MBD2: variants seen among roughly 807,000 people sequenced by gnomAD.
The protein encoded by MBD2 is methyl-CpG binding domain protein 2, also known as methyl-CpG-binding domain protein 2.
A neutral mutation model predicts 39.3 loss-of-function variants in MBD2; 9 were observed. The observed-to-expected ratio is 0.23, with a 90% confidence interval of 0.14 to 0.40. The LOEUF is 0.40. MBD2 is among the 10% of genes least tolerant of loss of function. MBD2 has a pLI of 1.00. For synonymous variants in MBD2, 233 were observed against 211.1 expected, an observed-to-expected ratio of 1.10 and a Z score of -0.90; for missense variants, 458 against 532.6, an observed-to-expected ratio of 0.86 and a Z score of 1.38.
chr18:54,221,672 G>A (rs1235078538), intron 1 of MBD2, among the ~76,000 whole-genome samples: 2 of 151,758 alleles, frequency 1.3e-5, no homozygotes, highest in Non-Finnish European at 2.9e-5. Context: ...CTACTTGGGA[G>A]GCTGAAGAAT....
intron 6 of MBD2, among the ~76,000 whole-genome samples, chr18:54,156,831 T>C (rs1368365843): frequency 6.6e-6 from 1 of 151,798 alleles, no homozygotes; most frequent in African/African-American, 2.4e-5. Context: ...CCAGCCTGGA[T>C]GACAAGAGCG....
At chr18:54,174,268 AGC>A (rs2086196249) in intron 3 of MBD2, among the ~76,000 whole-genome samples, 2 of 152,228 alleles carry the variant, frequency 1.3e-5, no homozygotes, top group Non-Finnish European at 2.9e-5. Context: ...AAATGGAGGA[AGC>A]AAAATCATGT....
At chr18:54,157,848 C>A (rs2086064607) in intron 6 of MBD2, among the ~76,000 whole-genome samples, 1 of 152,204 alleles carries the variant, frequency 6.6e-6, no homozygotes, top group Non-Finnish European at 1.5e-5. Flanking sequence ...ACCCGCACTT[C>A]CAGGCAGTCA....
intron 3 of MBD2, among the ~76,000 whole-genome samples, chr18:54,172,563 A>G (rs557006301): frequency 1.3e-5 from 2 of 152,308 alleles, no homozygotes; most frequent in East Asian, 3.9e-4. Context: ...AAGCATCTAC[A>G]TCATATATCC....
At chr18:54,160,101 C>T (rs938737468) in intron 5 of MBD2, 198 bp from the exon 6 acceptor site, 5 of 552,504 alleles carry the variant, frequency 9.0e-6, no homozygotes, top group Non-Finnish European at 1.6e-5. Flanking sequence ...GGAATGTTCA[C>T]AGAGGCAGTT....
intron 1 of MBD2, among the ~76,000 whole-genome samples, chr18:54,223,658 TCTGGGACAGG>T (rs1249783026): frequency 3.3e-5 from 5 of 152,204 alleles, no homozygotes; most frequent in Admixed American, 1.3e-4. Flanking sequence ...TGATGATGAA[TCTGGGACAGG>T]CTGGGACAGG....
At chr18:54,199,206 G>C (rs1335459514) in intron 2 of MBD2, among the ~76,000 whole-genome samples, 2 of 152,096 alleles carry the variant, frequency 1.3e-5, no homozygotes, top group Admixed American at 1.3e-4. Context: ...AAACTTTCTG[G>C]AATTCTAAAT....
chr18:54,195,769 T>C (rs1004348579), intron 2 of MBD2, among the ~76,000 whole-genome samples: 1 of 152,154 alleles, frequency 6.6e-6, no homozygotes, highest in African/African-American at 2.4e-5. Context: ...ATAGTCATGT[T>C]GGTACAAATT....
intron 3 of MBD2, among the ~76,000 whole-genome samples, chr18:54,172,568 A>G (rs1358122024): frequency 6.6e-6 from 1 of 152,176 alleles, no homozygotes; most frequent in Non-Finnish European, 1.5e-5. Context: ...TCTACATCAT[A>G]TATCCTAGCA....
At chr18:54,177,981 A>G (rs1363845034) in intron 3 of MBD2, among the ~76,000 whole-genome samples, 1 of 151,898 alleles carries the variant, frequency 6.6e-6, no homozygotes, top group African/African-American at 2.4e-5. Flanking sequence ...CTGGAACTAC[A>G]GGCCCACACC....
At chr18:54,156,005 A>C (rs2086049267) in intron 6 of MBD2, among the ~76,000 whole-genome samples, 1 of 152,170 alleles carries the variant, frequency 6.6e-6, no homozygotes, top group Non-Finnish European at 1.5e-5. Flanking sequence ...CCACCTTACT[A>C]ATAAGCAGGA....
chr18:54,154,030 T>C lies in MBD2; in HGVS notation c.*1294A>G, dbSNP rs568415152. 3.9e-5 allele frequency: 6 copies of C among 152,286 alleles called. No individual in the cohort carries two copies. The highest frequency in any genetic ancestry group is 1.4e-4 in the African/African-American group (6 of 41,560). 9.4% of individuals were successfully genotyped at this position (152,286 alleles called of 1,614,324 possible). A position where few individuals can be genotyped will look rare whatever the true frequency, so the allele number is the denominator to read the frequency against. ...ATGTACAGGTGACACTCATGTGGAA[T>C]TGGTCATACCCCTGACTGCATCATT... On this transcript the variant is annotated 3_prime_UTR_variant, in exon 7 of 7. Coordinates refer to ENST00000256429, the MANE Select transcript of MBD2 (RefSeq NM_003927.5).
intron 2 of MBD2, among the ~76,000 whole-genome samples, chr18:54,191,526 A>G (rs143991239): frequency 1.3e-5 from 2 of 152,340 alleles, no homozygotes; most frequent in East Asian, 3.9e-4. Context: ...ATAGGCTGTG[A>G]CTGATTAGAA....
chr18:54,160,679 G>C (rs1466919089), intron 5 of MBD2, among the ~76,000 whole-genome samples: 1 of 148,902 alleles, frequency 6.7e-6, no homozygotes, highest in Non-Finnish European at 1.5e-5. Flanking sequence ...AAAGAAAGTA[G>C]ATCCCCCAGA....
intron 2 of MBD2, among the ~76,000 whole-genome samples, chr18:54,197,954 A>G (rs2086379085): frequency 6.6e-6 from 1 of 152,256 alleles, no homozygotes; most frequent in Admixed American, 6.5e-5. Flanking sequence ...TACAGAGACC[A>G]GACAACACTC....
At chr18:54,217,994 T>C (rs1315253867) in intron 1 of MBD2, among the ~76,000 whole-genome samples, 6 of 152,206 alleles carry the variant, frequency 3.9e-5, no homozygotes, top group African/African-American at 9.6e-5. Context: ...ATGTCTTTCA[T>C]TTCTGGGTGC....
intron 1 of MBD2, 117 bp from the exon 2 acceptor site, chr18:54,205,274 A>G: frequency 1.0e-6 from 1 of 997,116 alleles, no homozygotes; most frequent in Non-Finnish European, 1.5e-6. Context: ...ATATTTTTAA[A>G]GAAATGTTAA....
In MBD2 at chr18:54,224,220, C is replaced by CGCCGCCGCCGCA. The variant is rs1555665536; in HGVS notation, c.339_340insTGCGGCGGCGGC (p.Gly113_Gly114insCysGlyGlyGly). On this transcript the variant is annotated inframe_insertion, in exon 1 of 7. Coordinates refer to ENST00000256429, the MANE Select transcript of MBD2 (RefSeq NM_003927.5). ...GGGGCGCCGCCGCCACCGCTGCCGC[C>CGCCGCCGCCGCA]GCCGCCGCAGCCGCCGCCGTCGCCG... is the stretch of plus-strand genomic sequence containing the variant. The CGCCGCCGCCGCA allele has an allele frequency of 7.3e-6, 8 of 1,102,608 alleles. No individual in the cohort carries two copies. The African/African-American group carries it at 1.3e-4, about 18-fold the overall frequency. 68.3% of individuals were successfully genotyped at this position (1,102,608 alleles called of 1,614,324 possible). A position where few individuals can be genotyped will look rare whatever the true frequency, so the allele number is the denominator to read the frequency against.
intron 1 of MBD2, among the ~76,000 whole-genome samples, chr18:54,219,334 G>T (rs1281693787): frequency 6.6e-6 from 1 of 152,140 alleles, no homozygotes; most frequent in Non-Finnish European, 1.5e-5. Flanking sequence ...CAGAAATAAA[G>T]CAAAAACTAC....
Sources: allele counts gnomAD v4.1 joint callset (sites outside exome capture counted in the v4.1 genomes callset), GRCh38; gene constraint gnomAD v4.1.1; transcripts MANE v1.5; gene names NCBI Gene and HGNC (gene_info 2026-07-23, HGNC 2026-07-21).